The following GNA12 variants were observed in gnomAD, a reference collection of about 807,000 sequenced individuals.
The protein encoded by GNA12 is guanine nucleotide-binding protein subunit alpha-12.
Under a neutral mutation model 26.0 loss-of-function variants are expected in GNA12, and 9 were observed. The ratio of observed to expected loss-of-function variants is 0.35; its 90% CI spans 0.21 to 0.60. The LOEUF (loss-of-function observed/expected upper bound fraction) is 0.60, where lower values mean the gene tolerates loss of function less well. Among genes scored for constraint, GNA12 ranks in the 20% least tolerant of loss-of-function variants. The pLI, the probability that GNA12 is intolerant of heterozygous loss-of-function variation, is 0.78. For synonymous variants in GNA12, 264 were observed against 219.6 expected (o/e 1.20, Z -1.79); for missense variants, 405 against 525.8 (o/e 0.77, Z 2.25).
chr7:2,755,017 AC>A (rs1791224930), intron 2 of GNA12, among the ~76,000 whole-genome samples: 1 of 152,210 alleles, frequency 6.6e-6, no homozygotes, highest in Admixed American at 6.5e-5. Flanking sequence ...ACAGTCCAGC[AC>A]CCTTTGTTGA....
intron 2 of GNA12, among the ~76,000 whole-genome samples, chr7:2,762,009 C>G (rs1010566695): frequency 5.9e-5 from 9 of 152,250 alleles, no homozygotes; most frequent in African/African-American, 2.2e-4. Flanking sequence ...CCTCCCAGCA[C>G]TCACACAGAA....
intron 2 of GNA12, among the ~76,000 whole-genome samples, chr7:2,784,113 C>T (rs1202297677): frequency 6.6e-6 from 1 of 152,032 alleles, no homozygotes; most frequent in African/African-American, 2.4e-5. Context: ...TAAAATTTAA[C>T]ATTTATTTTA....
At position 2,734,546 on chromosome 7, in the gene GNA12, C is replaced by T. The variant is rs146488436; in HGVS notation, c.526-1045G>A. ...GCCATCAGAATGGACTACGTGATGG[C>T]GCTGAAGCTCGTGGCGTTGTAAGGG... On this transcript the variant is annotated intron_variant, in intron 2 of 3. Transcript: ENST00000275364. Among the ~76,000 whole-genome samples the T allele has an allele frequency of 1.2e-4, 19 of 152,292 alleles. No homozygotes were observed. In the East Asian group the frequency reaches 2.1e-3, roughly 17 times the overall value.
At chr7:2,732,701 G>C (rs546574821) in intron 3 of GNA12, among the ~76,000 whole-genome samples, 1 of 152,180 alleles carries the variant, frequency 6.6e-6, no homozygotes, top group Non-Finnish European at 1.5e-5. Flanking sequence ...GTGTGCAGGG[G>C]ACAGAGAAAC....
At chr7:2,771,127 C>T (rs1420395511) in intron 2 of GNA12, among the ~76,000 whole-genome samples, 1 of 151,988 alleles carries the variant, frequency 6.6e-6, no homozygotes, top group Non-Finnish European at 1.5e-5. Flanking sequence ...CTCGTCTCTA[C>T]TAAAAATACA....
At chr7:2,806,495 GA>G (rs1196767508) in intron 1 of GNA12, among the ~76,000 whole-genome samples, 1 of 143,710 alleles carries the variant, frequency 7.0e-6, no homozygotes, top group Non-Finnish European at 1.5e-5. Context: ...GAAAAAAGAA[GA>G]AAGAACTTGT....
chr7:2,806,475 A>AAAAAAAAAAAAAAAAG (rs1554262008), intron 1 of GNA12, among the ~76,000 whole-genome samples: 1 of 150,646 alleles, frequency 6.6e-6, no homozygotes, highest in African/African-American at 2.4e-5. Context: ...AAAAAAAAAA[A>AAAAAAAAAAAAAAAAG]AAAGAAAAAG....
At chr7:2,795,288 G>A (rs1256345970) in intron 1 of GNA12, 145 bp from the exon 2 acceptor site, 8 of 662,594 alleles carry the variant, frequency 1.2e-5, no homozygotes, top group African/African-American at 1.8e-5. Context: ...CTCTTGGTTT[G>A]TTTGTTGTGA....
At chr7:2,733,933 T>C (rs1315551012) in intron 2 of GNA12, among the ~76,000 whole-genome samples, 5 of 152,238 alleles carry the variant, frequency 3.3e-5, no homozygotes. Context: ...CAAGACATTG[T>C]CCTTAAAGAC....
chr7:2,757,541 T>C (rs1284385515), intron 2 of GNA12, among the ~76,000 whole-genome samples: 7 of 152,078 alleles, frequency 4.6e-5, no homozygotes, highest in Non-Finnish European at 1.0e-4. Context: ...TGACAAGCCT[T>C]AGATGGGAAC....
chr7:2,737,289 G>T (rs208355), intron 2 of GNA12, among the ~76,000 whole-genome samples: 21,439 of 61,570 alleles, frequency 0.35, 4,168 homozygotes, highest in East Asian at 0.69. Context: ...TTTTTTTTTT[G>T]TTTTTTTTTT....
At chr7:2,819,649 A>C (rs948578231) in intron 1 of GNA12, among the ~76,000 whole-genome samples, 3 of 152,242 alleles carry the variant, frequency 2.0e-5, no homozygotes, top group Non-Finnish European at 2.9e-5. Context: ...AAGATACGCA[A>C]ATGGCCCATA....
chr7:2,753,830 T>C (rs536431971), intron 2 of GNA12, among the ~76,000 whole-genome samples: 5 of 152,322 alleles, frequency 3.3e-5, no homozygotes, highest in African/African-American at 1.2e-4. Context: ...TGGGATATCT[T>C]TTTCTTCTGG....
chr7:2,797,231 G>C (rs1344904536), intron 1 of GNA12, among the ~76,000 whole-genome samples: 1 of 152,104 alleles, frequency 6.6e-6, no homozygotes, highest in Non-Finnish European at 1.5e-5. Context: ...CTGCAATCTC[G>C]ACCTTCTGGG....
chr7:2,788,543 A>C (rs1792425072), intron 2 of GNA12, among the ~76,000 whole-genome samples: 1 of 152,224 alleles, frequency 6.6e-6, no homozygotes, highest in South Asian at 2.1e-4. Flanking sequence ...TTTCAAAAGT[A>C]AGTCATGAAA....
chr7:2,746,031 T>A (rs192220920), intron 2 of GNA12, among the ~76,000 whole-genome samples: 13 of 152,146 alleles, frequency 8.5e-5, no homozygotes, highest in African/African-American at 3.1e-4. Flanking sequence ...AAGTCCTGAG[T>A]GACCTACAAA....
At chr7:2,784,688 C>T (rs1792315487) in intron 2 of GNA12, among the ~76,000 whole-genome samples, 1 of 152,076 alleles carries the variant, frequency 6.6e-6, no homozygotes, top group South Asian at 2.1e-4. Flanking sequence ...TGATGACCCT[C>T]TTCCTTCTTT....
intron 2 of GNA12, among the ~76,000 whole-genome samples, chr7:2,750,168 G>A (rs1790962216): frequency 1.3e-5 from 2 of 152,178 alleles, no homozygotes; most frequent in African/African-American, 4.8e-5. Flanking sequence ...TAAAGGGCCT[G>A]GAAGTCGTCA....
intron 1 of GNA12, among the ~76,000 whole-genome samples, chr7:2,797,828 T>C (rs923086963): frequency 6.6e-6 from 1 of 152,170 alleles, no homozygotes; most frequent in African/African-American, 2.4e-5. Context: ...CCACAAACAT[T>C]TGTTCAGTGT....
Sources: gnomAD v4.1 joint callset for allele counts (sites outside exome capture counted in the v4.1 genomes callset) on GRCh38, gnomAD v4.1.1 for gene constraint, MANE v1.5 for transcripts, NCBI Gene and HGNC (gene_info 2026-07-23, HGNC 2026-07-21) for gene names.